Variants in DAB1 observed in about 807,000 individuals in gnomAD.
The protein encoded by DAB1 is disabled homolog 1.
Under a neutral mutation model 64.6 loss-of-function variants are expected in DAB1, and 15 were observed. The ratio of observed to expected loss-of-function variants is 0.23; its 90% CI spans 0.16 to 0.36. The LOEUF is 0.36. DAB1 is among the 10% of genes least tolerant of loss of function. The pLI, the probability that DAB1 is intolerant of heterozygous loss-of-function variation, is 1.00. For synonymous variants in DAB1, 235 were observed against 251.9 expected, an observed-to-expected ratio of 0.93 and a Z score of 0.64; for missense variants, 596 against 706.7, an observed-to-expected ratio of 0.84 and a Z score of 1.78.
chr1:57,136,553 T>C lies in DAB1; in HGVS notation c.296A>G (p.Glu99Gly). The C allele has an allele frequency of 6.7e-7, 1 of 1,496,052 alleles. No individual in the cohort carries two copies. The highest frequency in any genetic ancestry group is 9.1e-7 in the Non-Finnish European group (1 of 1,102,170). 92.7% of individuals were successfully genotyped at this position (1,496,052 alleles called of 1,614,324 possible). Reference protein sequence around the residue: ...ISFGGIKIFDEKTGALQHHHA... With the variant: ...ISFGGIKIFDGKTGALQHHHA... ...GATTGCTTTACTTACCCCTGTCTTC[T>C]CATCAAAGATTTTGATTCCTCCAAA... Residue 99 changes from glutamate (E) to glycine (G), a missense_variant, in exon 4 of 15, where the codon GAG becomes GGG. Glu to Gly is a moderately conservative substitution (Grantham distance 98, BLOSUM62 -2). Coordinates refer to ENST00000371236, the MANE Select transcript of DAB1 (RefSeq NM_001365792.1).
rs17418461 is a variant in DAB1 at position 57,070,909 on chromosome 1, T to C, written c.597+114A>G. On this transcript the variant is annotated intron_variant, in intron 7 of 14. Coordinates refer to ENST00000371236, the MANE Select transcript of DAB1 (RefSeq NM_001365792.1). ...GCAGCCCTCACCCTCAGAAATAATC[T>C]TGGTCTCTCTCCAGGTTTTGCAGTC... 0.07 allele frequency: 65,548 copies of C among 931,110 alleles called. 2,662 individuals are homozygous for C. Among genetic ancestry groups the C allele is most frequent in the African/African-American group, 0.084 (5,164 of 61,216 alleles). 57.7% of individuals were successfully genotyped at this position (931,110 alleles called of 1,614,324 possible).
intron 2 of DAB1, among the ~76,000 whole-genome samples, chr1:57,166,051 T>C (rs975102477): frequency 6.6e-6 from 1 of 152,182 alleles, no homozygotes; most frequent in African/African-American, 2.4e-5. Flanking sequence ...TCCTAACAAA[T>C]GGAAATAATC....
chr1:57,205,383 T>C (rs1036814883), intron 2 of DAB1, among the ~76,000 whole-genome samples: 2 of 152,176 alleles, frequency 1.3e-5, no homozygotes, highest in African/African-American at 4.8e-5. Context: ...GTCTCTACTC[T>C]CTGAGCGTAG....
rs148915818 is a variant in DAB1 at position 57,890,099 on chromosome 1, G to C, written n.388-5937C>G. 1.7e-3 allele frequency among the ~76,000 whole-genome samples: 259 copies of C among 152,274 alleles called. 5 individuals are homozygous for C. The South Asian group carries it at 0.041, about 24-fold the overall frequency. Reference sequence around the variant, plus strand: ...AGTGGGAGGAGCAAGTGGTGATTAAGACTGGGGTGAGGGGTGCTTCCTGAG... The same window carrying C: ...AGTGGGAGGAGCAAGTGGTGATTAACACTGGGGTGAGGGGTGCTTCCTGAG... On this transcript the variant is annotated intron_variant and non_coding_transcript_variant, in intron 5 of 20. Transcript: ENST00000485760.
chr1:58,167,025 G>A (rs1655877488), intron 4 of DAB1, among the ~76,000 whole-genome samples: 1 of 148,660 alleles, frequency 6.7e-6, no homozygotes, highest in Non-Finnish European at 1.5e-5. Flanking sequence ...TAGGAATATA[G>A]GTATGAGCCA....
chr1:58,485,437 T>C (rs530705353), intron 3 of DAB1, among the ~76,000 whole-genome samples: 4 of 152,098 alleles, frequency 2.6e-5, no homozygotes, highest in African/African-American at 9.6e-5. Flanking sequence ...AGAAACACTA[T>C]ATGTTCTTCA....
intron 4 of DAB1, among the ~76,000 whole-genome samples, chr1:58,297,059 A>T (rs1268375479): frequency 1.3e-5 from 2 of 152,186 alleles, no homozygotes; most frequent in Non-Finnish European, 2.9e-5. Flanking sequence ...AGACACATTT[A>T]TGTATGTCAT....
At chr1:58,024,210 G>A (rs942052228) in intron 5 of DAB1, among the ~76,000 whole-genome samples, 1 of 152,170 alleles carries the variant, frequency 6.6e-6, no homozygotes, top group African/African-American at 2.4e-5. Flanking sequence ...TGATGGTCAG[G>A]AGAGGGCAAC....
At chr1:57,538,145 T>C (rs1005256392) in intron 7 of DAB1, among the ~76,000 whole-genome samples, 3 of 152,216 alleles carry the variant, frequency 2.0e-5, no homozygotes, top group Non-Finnish European at 4.4e-5. Flanking sequence ...CCATAGCAAG[T>C]GACCTAAGGC....
chr1:58,211,708 T>C (rs1446783886), intron 4 of DAB1, among the ~76,000 whole-genome samples: 3 of 152,188 alleles, frequency 2.0e-5, no homozygotes, highest in Non-Finnish European at 2.9e-5. Flanking sequence ...ATTCTGCCCT[T>C]AAAACAACTC....
At chr1:57,094,595 C>T (rs1298126465) in intron 4 of DAB1, among the ~76,000 whole-genome samples, 1 of 152,214 alleles carries the variant, frequency 6.6e-6, no homozygotes. Flanking sequence ...TACACATTCA[C>T]TTCCTTAGGA....
intron 5 of DAB1, among the ~76,000 whole-genome samples, chr1:58,029,897 A>G (rs1646946718): frequency 6.6e-6 from 1 of 152,160 alleles, no homozygotes; most frequent in Non-Finnish European, 1.5e-5. Context: ...ATAAATAAAT[A>G]AACACAGGAT....
intron 7 of DAB1, among the ~76,000 whole-genome samples, chr1:57,553,962 A>G: frequency 6.6e-6 from 1 of 151,156 alleles, no homozygotes; most frequent in East Asian, 1.9e-4. Flanking sequence ...GAGAGAGAAC[A>G]CCAGCCAAAG....
intron 1 of DAB1, among the ~76,000 whole-genome samples, chr1:57,401,989 A>T (rs1222891028): frequency 6.6e-6 from 1 of 152,112 alleles, no homozygotes; most frequent in African/African-American, 2.4e-5. Flanking sequence ...GACATTGCAT[A>T]ATGACACCAT....
At chr1:57,356,691 C>T (rs1046586048) in intron 1 of DAB1, among the ~76,000 whole-genome samples, 2 of 152,028 alleles carry the variant, frequency 1.3e-5, no homozygotes, top group South Asian at 2.1e-4. Flanking sequence ...GCTTTTCAAA[C>T]GATGCAGTTT....
chr1:57,763,315 T>C (rs930368475), intron 6 of DAB1, among the ~76,000 whole-genome samples: 7 of 151,912 alleles, frequency 4.6e-5, no homozygotes, highest in Non-Finnish European at 8.8e-5. Context: ...AAGTTTGCAG[T>C]CTGCACTGTA....
intron 4 of DAB1, among the ~76,000 whole-genome samples, chr1:58,182,946 G>T (rs1263489609): frequency 1.3e-5 from 2 of 151,902 alleles, no homozygotes; most frequent in African/African-American, 4.8e-5. Flanking sequence ...ATTCTTCCCA[G>T]AAGTTGTCAT....
At chr1:58,457,413 A>C (rs928589273) in intron 3 of DAB1, among the ~76,000 whole-genome samples, 2 of 152,146 alleles carry the variant, frequency 1.3e-5, no homozygotes, top group African/African-American at 4.8e-5. Flanking sequence ...ATGTCTACAC[A>C]ATAGCTCCAG....
At chr1:58,231,437 G>A (rs1462314345) in intron 4 of DAB1, among the ~76,000 whole-genome samples, 1 of 152,222 alleles carries the variant, frequency 6.6e-6, no homozygotes, top group African/African-American at 2.4e-5. Flanking sequence ...CGAACCAGAT[G>A]TTGAACTCAA....
Sources: allele counts gnomAD v4.1 joint callset (sites outside exome capture counted in the v4.1 genomes callset), GRCh38; gene constraint gnomAD v4.1.1; transcripts MANE v1.5; gene names NCBI Gene and HGNC (gene_info 2026-07-23, HGNC 2026-07-21).